The following ARHGAP26 variants were observed in gnomAD, a reference collection of about 807,000 sequenced individuals.
ARHGAP26 encodes the protein Rho GTPase activating protein 26.
Under a neutral mutation model 104.8 loss-of-function variants are expected in ARHGAP26, and 38 were observed. The observed-to-expected ratio is 0.36, with a 90% CI of 0.28 to 0.48. The LOEUF (loss-of-function observed/expected upper bound fraction) is 0.48. ARHGAP26 is among the 20% of genes least tolerant of loss of function. The pLI is 0.99. For missense variants in ARHGAP26, 704 were observed against 947.9 expected (o/e 0.74, Z 3.38); for synonymous variants, 341 against 340.0 (o/e 1.00, Z -0.03).
chr5:143,004,601 T>C (rs1777676633), intron 11 of ARHGAP26, among the ~76,000 whole-genome samples: 1 of 152,210 alleles, frequency 6.6e-6, no homozygotes, highest in African/African-American at 2.4e-5. Flanking sequence ...CAGTCATTTA[T>C]GTTCGGCTGA....
intron 17 of ARHGAP26, among the ~76,000 whole-genome samples, chr5:143,102,637 CAG>C (rs945174407): frequency 1.3e-5 from 2 of 152,230 alleles, no homozygotes; most frequent in Non-Finnish European, 2.9e-5. Context: ...TCTAGGGAGA[CAG>C]AGACTCTTTC....
At chr5:143,051,454 A>G (rs138179488) in intron 14 of ARHGAP26, among the ~76,000 whole-genome samples, 1 of 152,318 alleles carries the variant, frequency 6.6e-6, no homozygotes, top group African/African-American at 2.4e-5. Flanking sequence ...TGGTCAAGGG[A>G]CATGGTGGAG....
At chr5:142,972,951 T>C (rs1772501740) in intron 11 of ARHGAP26, among the ~76,000 whole-genome samples, 1 of 152,218 alleles carries the variant, frequency 6.6e-6, no homozygotes, top group Non-Finnish European at 1.5e-5. Flanking sequence ...TTTAAAATGG[T>C]AAATATTTCT....
rs567985712 is a variant in ARHGAP26 at position 143,146,382 on chromosome 5, C to G, written c.1838-849C>G. Among the ~76,000 whole-genome samples, 12 of 152,324 alleles carry G rather than the reference C, an allele frequency of 7.9e-5. No homozygotes were observed. In the South Asian group the frequency reaches 2.5e-3, roughly 32 times the overall value. ...TCCCACTTGATCCTCATGACAGTTC[C>G]ACAAGCTGTGAAAGGCAGTTCTTGT... On this transcript the variant is annotated intron_variant, in intron 19 of 22. Coordinates refer to ENST00000645722, the MANE Select transcript of ARHGAP26 (RefSeq NM_001135608.3).
rs368093566 is a variant in ARHGAP26, at chr5:143,026,600, G to A, written c.1145-10596G>A. On this transcript the variant is annotated intron_variant, in intron 12 of 22. Coordinates refer to ENST00000645722, the MANE Select transcript of ARHGAP26 (RefSeq NM_001135608.3). ...TGTTCTAGGAATATCAGGAAGAACA[G>A]TGGTGCCCGGATGGGAGGAGGCCCT... Among the ~76,000 whole-genome samples, 10 of 152,310 alleles carry A rather than the reference G, an allele frequency of 6.6e-5. No homozygotes were observed. In the East Asian group the frequency reaches 1.9e-3, roughly 29 times the overall value.
chr5:143,024,652 T>G (rs959057146), intron 12 of ARHGAP26, among the ~76,000 whole-genome samples: 12 of 152,214 alleles, frequency 7.9e-5, no homozygotes, highest in African/African-American at 2.9e-4. Flanking sequence ...TGTTCACTGC[T>G]TGATATACGT....
At chr5:142,887,380 A>C (rs190487367) in intron 5 of ARHGAP26, among the ~76,000 whole-genome samples, 1 of 152,380 alleles carries the variant, frequency 6.6e-6, no homozygotes, top group East Asian at 1.9e-4. Flanking sequence ...AATACTCATG[A>C]AATATCTGTC....
intron 11 of ARHGAP26, among the ~76,000 whole-genome samples, chr5:142,990,850 G>A (rs1408443442): frequency 6.6e-6 from 1 of 152,134 alleles, no homozygotes; most frequent in African/African-American, 2.4e-5. Flanking sequence ...GCATCTGGCT[G>A]TATCAGTTGT....
At chr5:143,154,442 A>G (rs1800233041) in intron 20 of ARHGAP26, among the ~76,000 whole-genome samples, 2 of 152,200 alleles carry the variant, frequency 1.3e-5, no homozygotes, top group South Asian at 2.1e-4. Context: ...AGTACTGTGT[A>G]TGGCAATTAA....
chr5:142,956,969 G>C (rs1348097258), intron 11 of ARHGAP26, among the ~76,000 whole-genome samples: 1 of 152,130 alleles, frequency 6.6e-6, no homozygotes, highest in Non-Finnish European at 1.5e-5. Flanking sequence ...CCCACAACAC[G>C]TGAGAATTTT....
chr5:143,182,917 A>G (rs940975023), intron 20 of ARHGAP26, among the ~76,000 whole-genome samples: 1 of 152,084 alleles, frequency 6.6e-6, no homozygotes, highest in African/African-American at 2.4e-5. Context: ...TGTGACATAG[A>G]TCCTTTGGAA....
chr5:143,017,116 C>A (rs906266462), intron 12 of ARHGAP26, among the ~76,000 whole-genome samples: 9 of 152,188 alleles, frequency 5.9e-5, no homozygotes, highest in Non-Finnish European at 1.0e-4. Flanking sequence ...TGTCTAGAGT[C>A]CAAATTCCAA....
chr5:143,204,309 G>C (rs1808222970), intron 20 of ARHGAP26, among the ~76,000 whole-genome samples: 2 of 152,002 alleles, frequency 1.3e-5, no homozygotes, highest in East Asian at 1.9e-4. Context: ...GAACACCTGA[G>C]GTCAGGAGTT....
At chr5:142,826,294 A>T (rs1354845050) in intron 1 of ARHGAP26, among the ~76,000 whole-genome samples, 8 of 152,216 alleles carry the variant, frequency 5.3e-5, no homozygotes, top group African/African-American at 1.9e-4. Flanking sequence ...TTGTCATGGT[A>T]GAGTAAGACT....
intron 1 of ARHGAP26, among the ~76,000 whole-genome samples, chr5:142,793,977 A>G (rs1760423984): frequency 6.6e-6 from 1 of 152,194 alleles, no homozygotes; most frequent in Admixed American, 6.5e-5. Flanking sequence ...GAGAAGAACC[A>G]ATCCAAGCGG....
chr5:143,177,342 A>T (rs1251237472), intron 20 of ARHGAP26, among the ~76,000 whole-genome samples: 3 of 152,200 alleles, frequency 2.0e-5, no homozygotes, highest in Non-Finnish European at 4.4e-5. Flanking sequence ...CTCAGGCTGC[A>T]TCACGAGCCT....
chr5:142,842,536 A>C (rs546222570), intron 1 of ARHGAP26, among the ~76,000 whole-genome samples: 1 of 152,368 alleles, frequency 6.6e-6, no homozygotes, highest in Admixed American at 6.5e-5. Flanking sequence ...AGGATAGAAT[A>C]GAATAAGTTC....
intron 1 of ARHGAP26, among the ~76,000 whole-genome samples, chr5:142,822,746 T>C (rs1205045179): frequency 6.6e-6 from 1 of 152,238 alleles, no homozygotes; most frequent in East Asian, 1.9e-4. Context: ...TTGTGTGTGC[T>C]TCTTACTGGT....
intron 16 of ARHGAP26, among the ~76,000 whole-genome samples, chr5:143,056,401 T>C (rs1264057942): frequency 6.6e-6 from 1 of 151,400 alleles, no homozygotes; most frequent in African/African-American, 2.4e-5. Flanking sequence ...GTTTTGATTA[T>C]TGGAGTTCTA....
Sources: allele counts gnomAD v4.1 joint callset (sites outside exome capture counted in the v4.1 genomes callset), GRCh38; gene constraint gnomAD v4.1.1; transcripts MANE v1.5; gene names NCBI Gene and HGNC (gene_info 2026-07-23, HGNC 2026-07-21).